ZNF527: variants seen among roughly 807,000 people sequenced by gnomAD.
The protein encoded by ZNF527 is zinc finger protein 527.
A neutral mutation model predicts 13.5 loss-of-function variants in ZNF527; 5 were observed. That is an observed-to-expected ratio of 0.37 (90% CI 0.19 to 0.78). ZNF527 has a LOEUF of 0.78. Among genes scored for constraint, ZNF527 ranks in the 30% least tolerant of loss-of-function variants. The pLI is 0.48. For synonymous variants in ZNF527, 209 were observed against 243.1 expected, an observed-to-expected ratio of 0.86 and a Z score of 1.30; for missense variants, 628 against 726.4, an observed-to-expected ratio of 0.86 and a Z score of 1.56.
chr19:37,375,320 TTTC>T (rs1284007993), intron 2 of ZNF527, among the ~76,000 whole-genome samples: 4 of 137,594 alleles, frequency 2.9e-5, no homozygotes, highest in African/African-American at 1.0e-4. Flanking sequence ...CTTTTCTTTC[TTTC>T]TTTCTTTCTT....
chr19:37,378,743 T>G (rs2040627775), intron 2 of ZNF527, among the ~76,000 whole-genome samples: 1 of 152,214 alleles, frequency 6.6e-6, no homozygotes, highest in African/African-American at 2.4e-5. Context: ...ACCCTTTTGT[T>G]AAAGCCCAAT....
In ZNF527 at chr19:37,377,342, A is replaced by G. The variant is rs375391895; in HGVS notation, c.34-1778A>G. Reference sequence around the variant, plus strand: ...AATATACAGGTATGAGTACAGATACAGAAGGGTAAGTACATATGGTGGCTG... The same window carrying G: ...AATATACAGGTATGAGTACAGATACGGAAGGGTAAGTACATATGGTGGCTG... On this transcript the variant is annotated intron_variant, in intron 2 of 4. Coordinates refer to ENST00000436120, the MANE Select transcript of ZNF527 (RefSeq NM_032453.2). 2.0e-5 allele frequency among the ~76,000 whole-genome samples: 3 copies of G among 152,332 alleles called. No individual in the cohort carries two copies. The South Asian group carries it at 6.2e-4, about 32-fold the overall frequency.
At chr19:37,384,093 G>T (rs1045237419) in intron 4 of ZNF527, among the ~76,000 whole-genome samples, 7 of 151,934 alleles carry the variant, frequency 4.6e-5, no homozygotes, top group Admixed American at 4.6e-4. Flanking sequence ...GCTGAGGTGG[G>T]TGGATCACGA....
intron 1 of ZNF527, among the ~76,000 whole-genome samples, chr19:37,373,243 G>C (rs1036628946): frequency 1.3e-5 from 2 of 152,332 alleles, no homozygotes; most frequent in Admixed American, 1.3e-4. Context: ...GTGTGAGAGA[G>C]AGAGATTATG....
chr19:37,388,613 G>A lies in ZNF527; in HGVS notation c.564G>A (p.Gln188=), dbSNP rs1047776915. ...FLTQQKVPTI[Q]QVHKFDIYDK... is the part of the protein sequence containing the mutation. ...CACAACAGAAAGTTCCTACCATACA[G>A]CAAGTACATAAATTTGATATTTATG... The change falls in exon 5 of 5, where the codon CAG becomes CAA. Residue 188 remains glutamine (Q), a synonymous_variant. Transcript: ENST00000436120. 2 of 1,613,854 alleles carry A rather than the reference G, an allele frequency of 1.2e-6. No homozygotes were observed. Among genetic ancestry groups the A allele is most frequent in the Admixed American group, 1.7e-5 (1 of 59,986 alleles).
intron 1 of ZNF527, among the ~76,000 whole-genome samples, chr19:37,372,389 G>C (rs139004382): frequency 1.9e-3 from 288 of 151,936 alleles, no homozygotes; most frequent in African/African-American, 6.3e-3. Flanking sequence ...CCAGAATTAG[G>C]GGGTGAAATT....
Position 37,380,302 on chromosome 19 carries a change from G to C in ZNF527, c.186G>C (p.Met62Ile), listed in dbSNP as rs2040643251. 6.2e-7 allele frequency: 1 copy of C among 1,614,022 alleles called. No individual in the cohort carries two copies. The change falls in exon 4 of 5, where the codon ATG becomes ATC. Residue 62 changes from methionine (M) to isoleucine (I), a missense_variant. Transcript: ENST00000436120. ...WLGLSISKPN[M>I]ISLLEQGKEP... ...GACTCTCCATTTCTAAGCCCAACATGATCTCCTTACTGGAGCAAGGGAAGG... is the reference window on the plus strand; with the variant it reads ...GACTCTCCATTTCTAAGCCCAACATCATCTCCTTACTGGAGCAAGGGAAGG...
At chr19:37,378,029 C>A (rs1471372344) in intron 2 of ZNF527, among the ~76,000 whole-genome samples, 1 of 150,890 alleles carries the variant, frequency 6.6e-6, no homozygotes, top group Non-Finnish European at 1.5e-5. Flanking sequence ...TTTGATATTT[C>A]TTTTCTTTTT....
intron 4 of ZNF527, among the ~76,000 whole-genome samples, chr19:37,382,372 T>C (rs1363463894): frequency 6.6e-6 from 1 of 152,196 alleles, no homozygotes; most frequent in Non-Finnish European, 1.5e-5. Context: ...CCTCTTTTTT[T>C]CCCATTTTTT....
intron 4 of ZNF527, among the ~76,000 whole-genome samples, chr19:37,387,548 G>A (rs751314840): frequency 1.3e-4 from 20 of 152,138 alleles, no homozygotes; most frequent in Non-Finnish European, 2.9e-4. Context: ...TATATTGGCT[G>A]ATTATTGTGG....
Position 37,391,279 on chromosome 19 carries a change from T to C in ZNF527, c.*1400T>C, listed in dbSNP as rs1241454161. On this transcript the variant is annotated 3_prime_UTR_variant, in exon 5 of 5. Coordinates refer to ENST00000436120, the MANE Select transcript of ZNF527 (RefSeq NM_032453.2). ...GGTCTTTTGTGGGTGGGCTCTAAATTTGGTTTAAGACCCAGTGCGGTGGCT... is the reference window on the plus strand; with the variant it reads ...GGTCTTTTGTGGGTGGGCTCTAAATCTGGTTTAAGACCCAGTGCGGTGGCT... The C allele has an allele frequency of 6.6e-6, 1 of 152,054 alleles. No individual in the cohort carries two copies. Among genetic ancestry groups the C allele is most frequent in the African/African-American group, 2.4e-5 (1 of 41,406 alleles). 9.4% of individuals were successfully genotyped at this position (152,054 alleles called of 1,614,324 possible).
Position 37,375,311 on chromosome 19 carries a change from T to TTTTCTTTCTTTCTTTC in ZNF527, c.33+1093_33+1108dup, listed in dbSNP as rs1555826993. On this transcript the variant is annotated intron_variant, in intron 2 of 4. Coordinates refer to ENST00000436120, the MANE Select transcript of ZNF527 (RefSeq NM_032453.2). ...CTTTCTTTCTTTCTTTCTTTCTTTC[T>TTTTCTTTCTTTCTTTC]TTTCTTTCTTTCTTTCTTTCTTTCT... Among the ~76,000 whole-genome samples, 622 of 79,754 alleles carry TTTTCTTTCTTTCTTTC rather than the reference T, an allele frequency of 7.8e-3. 11 individuals are homozygous for TTTTCTTTCTTTCTTTC. Among genetic ancestry groups the TTTTCTTTCTTTCTTTC allele is most frequent in the South Asian group, 0.013 (27 of 2,070 alleles). 52.3% of individuals were successfully genotyped at this position (79,754 alleles called of 152,430 possible).
At chr19:37,383,213 A>G (rs2040668841) in intron 4 of ZNF527, among the ~76,000 whole-genome samples, 1 of 151,058 alleles carries the variant, frequency 6.6e-6, no homozygotes. Flanking sequence ...CTAAAACTGT[A>G]TGGGAGAATG....
chr19:37,386,540 C>A (rs2040701205), intron 4 of ZNF527, among the ~76,000 whole-genome samples: 1 of 152,108 alleles, frequency 6.6e-6, no homozygotes, highest in African/African-American at 2.4e-5. Flanking sequence ...TAAAATGTGG[C>A]TAGTGTGAGT....
At chr19:37,379,373 C>A (rs1396318959) in intron 3 of ZNF527, 127 bp downstream of exon 3, 2 of 874,764 alleles carry the variant, frequency 2.3e-6, no homozygotes, top group Non-Finnish European at 1.6e-6. Context: ...CTTCCTGTTC[C>A]CAGGAAATGA....
intron 2 of ZNF527, among the ~76,000 whole-genome samples, chr19:37,376,172 C>G (rs11672064): frequency 0.03 from 4,586 of 151,944 alleles, 213 homozygotes; most frequent in African/African-American, 0.096. Context: ...GACTCCATCT[C>G]TAAAAAAATT....
At chr19:37,378,999 G>A (rs1296532825) in intron 2 of ZNF527, 121 bp from the exon 3 acceptor site, 2 of 1,069,354 alleles carry the variant, frequency 1.9e-6, no homozygotes, top group Non-Finnish European at 2.7e-6. Context: ...GCATGTAATT[G>A]TTCTCCAATA....
intron 2 of ZNF527, among the ~76,000 whole-genome samples, chr19:37,378,083 T>C (rs913945402): frequency 1.3e-5 from 2 of 151,896 alleles, no homozygotes; most frequent in Middle Eastern, 3.4e-3. Flanking sequence ...AGGCTGGAAG[T>C]ACAGTGGCAC....
intron 2 of ZNF527, among the ~76,000 whole-genome samples, chr19:37,376,351 C>G (rs1207559231): frequency 6.6e-6 from 1 of 151,392 alleles, no homozygotes. Flanking sequence ...GAGTGAGACC[C>G]TGTCTTAAAA....
Sources: gnomAD v4.1 joint callset for allele counts (sites outside exome capture counted in the v4.1 genomes callset) on GRCh38, gnomAD v4.1.1 for gene constraint, MANE v1.5 for transcripts, NCBI Gene and HGNC (gene_info 2026-07-23, HGNC 2026-07-21) for gene names.